The following DOCK7 variants were observed in gnomAD, a reference collection of about 807,000 sequenced individuals.
The protein encoded by DOCK7 is dedicator of cytokinesis 7, also known as dedicator of cytokinesis protein 7.
Under a neutral mutation model 271.0 loss-of-function variants are expected in DOCK7, and 138 were observed. That is an observed-to-expected ratio of 0.51 (90% confidence interval 0.44 to 0.59). DOCK7 has a LOEUF of 0.59. Among genes scored for constraint, DOCK7 ranks in the 20% least tolerant of loss-of-function variants. The pLI, the probability that DOCK7 is intolerant of heterozygous loss-of-function variation, is 0.00. For missense variants in DOCK7, 2,066 were observed against 2,592.4 expected (o/e 0.80, Z 4.41); for synonymous variants, 823 against 876.1 (o/e 0.94, Z 1.07).
intron 16 of DOCK7, among the ~76,000 whole-genome samples, chr1:62,581,007 C>T (rs1303143127): frequency 6.6e-6 from 1 of 152,164 alleles, no homozygotes; most frequent in Non-Finnish European, 1.5e-5. Flanking sequence ...ACTATAATGG[C>T]ATAGATGAAT....
chr1:62,596,110 T>C (rs776547248), intron 14 of DOCK7, among the ~76,000 whole-genome samples: 88 of 152,224 alleles, frequency 5.8e-4, no homozygotes, highest in Admixed American at 1.4e-3. Context: ...GTTAGTTTCA[T>C]GTGACATAAT....
At chr1:62,519,593 T>C (rs1644782722) in intron 31 of DOCK7, among the ~76,000 whole-genome samples, 2 of 152,116 alleles carry the variant, frequency 1.3e-5, no homozygotes, top group East Asian at 3.8e-4. Flanking sequence ...TATGATAAAC[T>C]TGTTCCCCCA....
chr1:62,560,888 TTGAAGGA>T (rs1350670784), intron 19 of DOCK7, among the ~76,000 whole-genome samples: 1 of 152,218 alleles, frequency 6.6e-6, no homozygotes, highest in Non-Finnish European at 1.5e-5. Flanking sequence ...TGTAAGGTTC[TTGAAGGA>T]AAAGCTCTTT....
intron 18 of DOCK7, among the ~76,000 whole-genome samples, chr1:62,565,859 C>T (rs1431103696): frequency 6.6e-6 from 1 of 152,228 alleles, no homozygotes; most frequent in East Asian, 1.9e-4. Context: ...TCAGCAAAGT[C>T]TCAGGATACA....
chr1:62,688,174 C>G (rs1334537659), intron 1 of DOCK7, 53 bp downstream of exon 1: 1 of 1,345,952 alleles, frequency 7.4e-7, no homozygotes, highest in Non-Finnish European at 9.6e-7. Context: ...TGGGAGGACT[C>G]CGCGGCTCTT....
intron 29 of DOCK7, among the ~76,000 whole-genome samples, chr1:62,535,207 T>A (rs1645302703): frequency 1.3e-5 from 2 of 152,322 alleles, no homozygotes; most frequent in South Asian, 4.1e-4. Flanking sequence ...ATGCATAATT[T>A]ATTTTATATA....
At position 62,568,568 on chromosome 1, in the gene DOCK7, G is replaced by A. The variant is rs147160310; in HGVS notation, c.2113-6865C>T. Among the ~76,000 whole-genome samples the A allele has an allele frequency of 3.5e-3, 481 of 137,382 alleles. 1 individual carries two copies. The highest frequency in any genetic ancestry group is 0.01 in the African/African-American group (377 of 36,360). 90.1% of individuals were successfully genotyped at this position (137,382 alleles called of 152,430 possible). On this transcript the variant is annotated intron_variant, in intron 18 of 49. Transcript: ENST00000635253. ...AATCCCCCTGCCACAGCATTCCAACGTGCTTGGATTGCAGGCGTGAGCCAC... is the reference window on the plus strand; with the variant it reads ...AATCCCCCTGCCACAGCATTCCAACATGCTTGGATTGCAGGCGTGAGCCAC...
intron 41 of DOCK7, among the ~76,000 whole-genome samples, chr1:62,489,386 G>A (rs1395561782): frequency 6.6e-6 from 1 of 152,098 alleles, no homozygotes; most frequent in African/African-American, 2.4e-5. Flanking sequence ...GAGGCGGAGT[G>A]TGCAGTGAGC....
At chr1:62,461,092 T>C (rs1645511148) in intron 48 of DOCK7, 1 of 152,192 alleles carries the variant, frequency 6.6e-6, no homozygotes. Flanking sequence ...AAAAACTCTT[T>C]GCATAACTAC....
chr1:62,522,186 AAG>A (rs1329530864), intron 31 of DOCK7, among the ~76,000 whole-genome samples: 7 of 152,070 alleles, frequency 4.6e-5, no homozygotes. Flanking sequence ...AAGAGGATAA[AAG>A]AGAAAACTCC....
intron 1 of DOCK7, among the ~76,000 whole-genome samples, chr1:62,678,378 A>G (rs887151693): frequency 1.8e-4 from 28 of 152,208 alleles, no homozygotes; most frequent in Non-Finnish European, 8.8e-5. Flanking sequence ...AGAATAAACA[A>G]GAGTTTAGCA....
chr1:62,509,312 C>T (rs1160299590), intron 34 of DOCK7, among the ~76,000 whole-genome samples: 4 of 112,818 alleles, frequency 3.5e-5, no homozygotes, highest in Non-Finnish European at 7.0e-5. Context: ...GATCTTGTCT[C>T]AAAAAAAAAA....
chr1:62,633,794 G>T, intron 9 of DOCK7: 1 of 465,034 alleles, frequency 2.2e-6, no homozygotes, highest in Non-Finnish European at 3.8e-6. Context: ...CCATAATAAA[G>T]GCCATATATG....
intron 1 of DOCK7, among the ~76,000 whole-genome samples, chr1:62,683,342 GA>G (rs1402288629): frequency 1.3e-5 from 2 of 152,150 alleles, no homozygotes; most frequent in African/African-American, 4.8e-5. Flanking sequence ...GAACAAAGTA[GA>G]TTCTGTAGAT....
Position 62,460,085 on chromosome 1 carries a change from G to C in DOCK7, c.6213-2380C>G, listed in dbSNP as rs188752024. Reference sequence around the variant, plus strand: ...ACTACACTCCAGCCTGGGTGACAGAGCAAGACTCGTCTCAAAAAAAAAAAA... The same window carrying C: ...ACTACACTCCAGCCTGGGTGACAGACCAAGACTCGTCTCAAAAAAAAAAAA... On this transcript the variant is annotated intron_variant, in intron 48 of 49. Coordinates refer to ENST00000635253, the MANE Select transcript of DOCK7 (RefSeq NM_001367561.1). Among the ~76,000 whole-genome samples, 616 of 114,340 alleles carry C rather than the reference G, an allele frequency of 5.4e-3. 5 individuals carry two copies. The highest frequency in any genetic ancestry group is 8.8e-3 in the Admixed American group (72 of 8,202). 75.0% of individuals were successfully genotyped at this position (114,340 alleles called of 152,430 possible).
intron 1 of DOCK7, among the ~76,000 whole-genome samples, chr1:62,683,696 A>C (rs1445085738): frequency 6.6e-6 from 1 of 152,208 alleles, no homozygotes; most frequent in Non-Finnish European, 1.5e-5. Context: ...GCACTTTGGG[A>C]GGCCGAGGTG....
At chr1:62,593,224 A>G (rs1008941992) in intron 14 of DOCK7, among the ~76,000 whole-genome samples, 4 of 152,114 alleles carry the variant, frequency 2.6e-5, no homozygotes, top group Non-Finnish European at 5.9e-5. Context: ...CGAGATTTTT[A>G]TTTTTTATAG....
chr1:62,617,054 G>A (rs1248438950), intron 14 of DOCK7, among the ~76,000 whole-genome samples: 2 of 146,996 alleles, frequency 1.4e-5, no homozygotes, highest in African/African-American at 5.0e-5. Flanking sequence ...AGTGAAATGA[G>A]CAAACTAAGG....
chr1:62,670,407 C>T (rs1168127), intron 1 of DOCK7, among the ~76,000 whole-genome samples: 1 of 147,346 alleles, frequency 6.8e-6, no homozygotes, highest in Admixed American at 6.7e-5. Flanking sequence ...ATTGTAAATA[C>T]ACCAATCAGC....
Sources: allele counts gnomAD v4.1 joint callset (sites outside exome capture counted in the v4.1 genomes callset), GRCh38; gene constraint gnomAD v4.1.1; transcripts MANE v1.5; gene names NCBI Gene and HGNC (gene_info 2026-07-23, HGNC 2026-07-21).